SCGN: variants seen among roughly 807,000 people sequenced by gnomAD.
SCGN encodes secretagogin.
SCGN carries 30 observed loss-of-function variants against 39.7 expected under a neutral mutation model. The observed-to-expected ratio is 0.76, with a 90% CI of 0.57 to 1.03. The LOEUF (loss-of-function observed/expected upper bound fraction) is 1.03. SCGN is among the 50% of genes least tolerant of loss of function. The probability of loss-of-function intolerance (pLI) is 0.00; values close to 1 mark genes in which losing one functional copy is unlikely to be tolerated. For missense variants in SCGN, 353 were observed against 349.4 expected (o/e 1.01, Z -0.08); for synonymous variants, 106 against 114.1 (o/e 0.93, Z 0.45).
intron 6 of SCGN, among the ~76,000 whole-genome samples, chr6:25,676,526 A>T (rs1415132826): frequency 6.6e-6 from 1 of 152,198 alleles, no homozygotes; most frequent in African/African-American, 2.4e-5. Flanking sequence ...TGCACTTGCC[A>T]TATCCCTGCC....
chr6:25,663,570 C>T (rs1349689395), intron 3 of SCGN, among the ~76,000 whole-genome samples: 1 of 152,122 alleles, frequency 6.6e-6, no homozygotes, highest in African/African-American at 2.4e-5. Context: ...TTATTATCTC[C>T]ATTTTCCAAA....
intron 10 of SCGN, among the ~76,000 whole-genome samples, chr6:25,698,259 C>T (rs907471275): frequency 3.9e-5 from 6 of 152,150 alleles, no homozygotes; most frequent in Admixed American, 3.9e-4. Flanking sequence ...CCCACATCCC[C>T]TAATACACAT....
intron 2 of SCGN, among the ~76,000 whole-genome samples, chr6:25,654,323 T>TG (rs910281931): frequency 6.6e-6 from 1 of 152,142 alleles, no homozygotes; most frequent in African/African-American, 2.4e-5. Context: ...GGAGGGTATG[T>TG]GGGGGGCAGG....
chr6:25,688,603 C>CATCCT (rs1759734496), intron 7 of SCGN, among the ~76,000 whole-genome samples: 1 of 152,042 alleles, frequency 6.6e-6, no homozygotes, highest in African/African-American at 2.4e-5. Flanking sequence ...AGATCGAGAC[C>CATCCT]ATCCTGGCTA....
chr6:25,661,085 C>T (rs1760327469), intron 2 of SCGN, among the ~76,000 whole-genome samples: 2 of 152,124 alleles, frequency 1.3e-5, no homozygotes, highest in South Asian at 2.1e-4. Context: ...TCTCCCTTCT[C>T]ATTATGTTTT....
intron 6 of SCGN, among the ~76,000 whole-genome samples, chr6:25,671,204 A>G (rs1403493954): frequency 3.9e-5 from 6 of 152,200 alleles, no homozygotes; most frequent in East Asian, 1.9e-4. Context: ...CAGTGTTGCT[A>G]TTGTTCACGC....
intron 2 of SCGN, among the ~76,000 whole-genome samples, chr6:25,661,034 T>G (rs1760326260): frequency 6.6e-6 from 1 of 152,228 alleles, no homozygotes; most frequent in Non-Finnish European, 1.5e-5. Context: ...TTTGGTTAAC[T>G]CGGCAATTAC....
At chr6:25,696,677 G>A (rs556003421) in intron 10 of SCGN, among the ~76,000 whole-genome samples, 1 of 152,294 alleles carries the variant, frequency 6.6e-6, no homozygotes, top group East Asian at 1.9e-4. Context: ...AACATCTGAA[G>A]AAAGAGCAGG....
intron 7 of SCGN, among the ~76,000 whole-genome samples, 173 bp from the exon 8 acceptor site, chr6:25,688,999 C>T (rs1759741029): frequency 6.6e-6 from 1 of 152,078 alleles, no homozygotes; most frequent in South Asian, 2.1e-4. Flanking sequence ...CTAATCTCTA[C>T]GAGTTTTTCC....
rs142894437 is a variant in SCGN, at chr6:25,661,614, C to T, written c.216C>T (p.Ala72=). The change falls in exon 3 of 11, where the codon GCC becomes GCT. Residue 72 remains alanine, a synonymous_variant. Transcript: ENST00000377961. ...VKQQFMTTQD[A]SKDGRIRMKE... is the part of the protein sequence containing the mutation. The stretch of plus-strand genomic sequence containing the variant: ...AGCAGTTTATGACTACCCAAGATGC[C>T]TCTAAAGATGGTCGCATTCGGATGA... The T allele has an allele frequency of 1.1e-5, 18 of 1,613,320 alleles. No individual in the cohort carries two copies. The East Asian group carries it at 3.6e-4, about 32-fold the overall frequency.
chr6:25,686,385 G>T (rs568781490), intron 7 of SCGN, among the ~76,000 whole-genome samples: 3 of 152,224 alleles, frequency 2.0e-5, no homozygotes, highest in Admixed American at 1.3e-4. Flanking sequence ...ACTTGTTATT[G>T]TTTGCATCTT....
chr6:25,664,712 A>G (rs1760397388), intron 3 of SCGN, among the ~76,000 whole-genome samples: 1 of 152,200 alleles, frequency 6.6e-6, no homozygotes, highest in Non-Finnish European at 1.5e-5. Context: ...AAGCTCATTG[A>G]AGGCAGATAT....
chr6:25,658,003 C>CTTTTTT (rs759915721), intron 2 of SCGN, among the ~76,000 whole-genome samples: 13 of 70,384 alleles, frequency 1.8e-4, no homozygotes, highest in Admixed American at 3.8e-4. Context: ...GAAAGGTATC[C>CTTTTTT]TTTTTTTTTT....
intron 6 of SCGN, among the ~76,000 whole-genome samples, chr6:25,672,124 C>A (rs763957851): frequency 6.6e-6 from 1 of 152,220 alleles, no homozygotes; most frequent in Non-Finnish European, 1.5e-5. Flanking sequence ...TAAAAAAAAT[C>A]TTCTGTAGCC....
chr6:25,653,498 T>C, intron 2 of SCGN, 46 bp downstream of exon 2: 1 of 1,368,686 alleles, frequency 7.3e-7, no homozygotes, highest in Non-Finnish European at 1.0e-6. Context: ...CTTAGTAAGA[T>C]ACGCACATCC....
intron 6 of SCGN, among the ~76,000 whole-genome samples, chr6:25,671,442 G>A (rs1198458260): frequency 1.4e-4 from 22 of 152,170 alleles, no homozygotes; most frequent in Admixed American, 1.4e-3. Context: ...GTGAGTCTCC[G>A]CTGGGAAGAA....
At chr6:25,684,184 A>G (rs1759673571) in intron 7 of SCGN, among the ~76,000 whole-genome samples, 1 of 152,150 alleles carries the variant, frequency 6.6e-6, no homozygotes, top group African/African-American at 2.4e-5. Flanking sequence ...CTATGCTCTA[A>G]TCCCTTGAAT....
chr6:25,655,508 G>C (rs1383509968), intron 2 of SCGN, among the ~76,000 whole-genome samples: 4 of 152,180 alleles, frequency 2.6e-5, no homozygotes, highest in Non-Finnish European at 4.4e-5. Flanking sequence ...TTACACAGGG[G>C]CAAGCATAAT....
intron 6 of SCGN, among the ~76,000 whole-genome samples, chr6:25,680,631 A>T (rs1423377113): frequency 6.6e-6 from 1 of 152,184 alleles, no homozygotes; most frequent in African/African-American, 2.4e-5. Flanking sequence ...CTTTCTATTA[A>T]GATAGAACCT....
Sources: allele counts gnomAD v4.1 joint callset (sites outside exome capture counted in the v4.1 genomes callset), GRCh38; gene constraint gnomAD v4.1.1; transcripts MANE v1.5; gene names NCBI Gene and HGNC (gene_info 2026-07-23, HGNC 2026-07-21).